The following ANO4 variants were observed in gnomAD, a reference collection of about 807,000 sequenced individuals.
ANO4 encodes the protein anoctamin-4.
In ANO4, 69 loss-of-function variants were observed where a neutral mutation model predicts 141.9. The observed-to-expected ratio is 0.49, with a 90% CI of 0.40 to 0.59. The LOEUF is 0.59. ANO4 is among the 20% of genes least tolerant of loss of function. The probability of loss-of-function intolerance (pLI) is 0.00; values close to 1 mark genes in which losing one functional copy is unlikely to be tolerated. For synonymous variants in ANO4, 350 were observed against 394.3 expected (o/e 0.89, Z 1.33); for missense variants, 894 against 1,162.2 (o/e 0.77, Z 3.36).
chr12:100,784,201 C>T (rs2033793742), intron 3 of ANO4, among the ~76,000 whole-genome samples: 1 of 152,206 alleles, frequency 6.6e-6, no homozygotes, highest in Non-Finnish European at 1.5e-5. Flanking sequence ...CTCTTACCTT[C>T]TGGCCATAAT....
intron 3 of ANO4, among the ~76,000 whole-genome samples, chr12:100,754,499 G>A (rs1037406648): frequency 2.7e-5 from 4 of 150,720 alleles, no homozygotes; most frequent in African/African-American, 9.8e-5. Context: ...AAGCCATCAT[G>A]GACTTGGTGG....
chr12:100,935,969 G>A (rs1364101783), intron 3 of ANO4, among the ~76,000 whole-genome samples: 1 of 152,112 alleles, frequency 6.6e-6, no homozygotes, highest in Non-Finnish European at 1.5e-5. Flanking sequence ...GTGTTTATAT[G>A]GTCTACAGTC....
intron 3 of ANO4, among the ~76,000 whole-genome samples, chr12:100,780,240 AGGCTT>A (rs2033672459): frequency 1.3e-5 from 2 of 152,164 alleles, no homozygotes; most frequent in Non-Finnish European, 2.9e-5. Context: ...CCCCAAATTG[AGGCTT>A]AGCTCAGGAG....
At chr12:100,779,365 G>A (rs923299692) in intron 3 of ANO4, among the ~76,000 whole-genome samples, 4 of 152,236 alleles carry the variant, frequency 2.6e-5, no homozygotes, top group African/African-American at 4.8e-5. Context: ...GCATTCAGCC[G>A]AATGCTGCTA....
Position 101,042,368 on chromosome 12 carries a change from G to A in ANO4, c.1054G>A (p.Ala352Thr). The A allele has an allele frequency of 6.2e-7, 1 of 1,614,156 alleles. No homozygotes were observed. The highest frequency in any genetic ancestry group is 1.3e-5 in the African/African-American group (1 of 75,042). ...TGGAGAGAAGATTGGGTTATATTTT[G>A]CCTGGTTGGGCTGGTACACCGGCAT... ...YFGEKIGLYF[A>T]WLGWYTGMLF... Residue 352 changes from alanine (A) to threonine (T), a missense_variant, in exon 12 of 28, where the codon GCC becomes ACC. Coordinates refer to ENST00000392977, the MANE Select transcript of ANO4 (RefSeq NM_001286615.2).
chr12:100,824,449 T>G (rs1435098241), intron 1 of ANO4, among the ~76,000 whole-genome samples: 2 of 152,010 alleles, frequency 1.3e-5, no homozygotes, highest in Admixed American at 1.3e-4. Context: ...AAAAAAAACT[T>G]TAGCCAAACA....
intron 1 of ANO4, among the ~76,000 whole-genome samples, chr12:100,814,632 T>A (rs2035628152): frequency 6.6e-6 from 1 of 152,082 alleles, no homozygotes; most frequent in Non-Finnish European, 1.5e-5. Flanking sequence ...TTGGCTAAGA[T>A]CCCAATGGCC....
At chr12:100,968,623 A>C (rs1239845323) in intron 5 of ANO4, among the ~76,000 whole-genome samples, 1 of 152,214 alleles carries the variant, frequency 6.6e-6, no homozygotes, top group Non-Finnish European at 1.5e-5. Context: ...AAGCCTTCCC[A>C]GATCTGAAGT....
chr12:101,086,847 C>T (rs1431331149), intron 17 of ANO4, 23 bp downstream of exon 17: 1 of 1,607,814 alleles, frequency 6.2e-7, no homozygotes, highest in Admixed American at 1.7e-5. Flanking sequence ...CAGTGGCTAG[C>T]CAAACGGATC....
intron 1 of ANO4, among the ~76,000 whole-genome samples, chr12:100,810,849 A>G (rs2135703285): frequency 6.6e-6 from 1 of 152,268 alleles, no homozygotes; most frequent in East Asian, 1.9e-4. Flanking sequence ...TGAGTACACT[A>G]TCATGAACTC....
At chr12:100,744,952 C>T (rs930387887) in intron 3 of ANO4, among the ~76,000 whole-genome samples, 1 of 151,966 alleles carries the variant, frequency 6.6e-6, no homozygotes, top group East Asian at 1.9e-4. Context: ...TCCTCTCTCT[C>T]CCCTTCTCTC....
chr12:100,960,902 G>T (rs545751684), intron 5 of ANO4, among the ~76,000 whole-genome samples: 1 of 152,112 alleles, frequency 6.6e-6, no homozygotes, highest in Non-Finnish European at 1.5e-5. Context: ...ACATTATGAT[G>T]GTCTGTAAGA....
At chr12:100,894,749 G>A (rs891844753) in intron 1 of ANO4, among the ~76,000 whole-genome samples, 1 of 151,880 alleles carries the variant, frequency 6.6e-6, no homozygotes, top group Non-Finnish European at 1.5e-5. Context: ...GGCGGATCAC[G>A]AGGTCAGGAG....
chr12:101,021,452 A>G (rs575981753), intron 9 of ANO4, among the ~76,000 whole-genome samples: 2 of 152,276 alleles, frequency 1.3e-5, no homozygotes, highest in South Asian at 4.1e-4. Context: ...AAAGCTTAAC[A>G]TTGAATCAGC....
chr12:101,108,997 T>C (rs2050556503), intron 22 of ANO4, among the ~76,000 whole-genome samples: 1 of 152,230 alleles, frequency 6.6e-6, no homozygotes, highest in East Asian at 1.9e-4. Flanking sequence ...TTAGATATGT[T>C]GTCTCCTTAG....
At chr12:100,791,315 C>A (rs2135614013), upstream of ANO4, among the ~76,000 whole-genome samples, 1 of 152,192 alleles carries the variant, frequency 6.6e-6, no homozygotes, top group Middle Eastern at 3.4e-3. Context: ...GAGGCTGAGG[C>A]AGGAGAATTG....
At chr12:100,760,681 T>G (rs757647431) in intron 3 of ANO4, among the ~76,000 whole-genome samples, 1 of 152,222 alleles carries the variant, frequency 6.6e-6, no homozygotes, top group African/African-American at 2.4e-5. Context: ...AGATATCACT[T>G]TATCACTCAG....
In ANO4 at chr12:101,099,563, G is replaced by T. The variant is rs768465821; in HGVS notation, c.2007-15G>T. 6.3e-6 allele frequency: 10 copies of T among 1,579,256 alleles called. No individual in the cohort carries two copies. Among genetic ancestry groups the T allele is most frequent in the Non-Finnish European group, 7.7e-6 (9 of 1,169,346 alleles). On this transcript the variant is annotated splice_polypyrimidine_tract_variant and intron_variant, in intron 21 of 27. Transcript: ENST00000392977. ...TCAGTTACATTTTTTGTAAGAAATT[G>T]ATCTTTTTGCCCAGGTTAATTCAGA...
intron 1 of ANO4, among the ~76,000 whole-genome samples, chr12:100,811,828 A>G (rs912354906): frequency 2.6e-5 from 4 of 152,202 alleles, no homozygotes; most frequent in African/African-American, 4.8e-5. Context: ...TTCAGTTATT[A>G]TTGTAGCCAG....
Sources: allele counts gnomAD v4.1 joint callset (sites outside exome capture counted in the v4.1 genomes callset), GRCh38; gene constraint gnomAD v4.1.1; transcripts MANE v1.5; gene names NCBI Gene and HGNC (gene_info 2026-07-23, HGNC 2026-07-21).